The following PCDHGA7 variants were observed in gnomAD, a reference collection of about 807,000 sequenced individuals.
PCDHGA7 encodes protocadherin gamma subfamily A, 7, also known as protocadherin gamma-A7.
Under a neutral mutation model 58.3 loss-of-function variants are expected in PCDHGA7, and 44 were observed. The observed-to-expected ratio is 0.75, with a 90% CI of 0.59 to 0.97. The LOEUF is 0.97. Ranked by LOEUF, PCDHGA7 falls within the 50% of genes least tolerant of loss-of-function variation. The pLI, the probability that PCDHGA7 is intolerant of heterozygous loss-of-function variation, is 0.00. For missense variants in PCDHGA7, 1,266 were observed against 1,188.7 expected (o/e 1.06, Z -0.96); for synonymous variants, 516 against 504.2 (o/e 1.02, Z -0.31).
chr5:141,427,355 C>A (rs765449381), intron 1 of PCDHGA7: 9 of 457,430 alleles, frequency 2.0e-5, no homozygotes, highest in Non-Finnish European at 3.5e-5. Context: ...TAACTGAGGA[C>A]GCAGAACCCT....
intron 1 of PCDHGA7, chr5:141,428,236 G>T: frequency 5.8e-6 from 6 of 1,027,096 alleles, no homozygotes; most frequent in Non-Finnish European, 8.9e-6. Flanking sequence ...CAGCCTGCAG[G>T]AGGCACTGCC....
intron 1 of PCDHGA7, chr5:141,416,678 G>T (rs2096051953): frequency 6.6e-6 from 1 of 151,990 alleles, no homozygotes; most frequent in Non-Finnish European, 1.5e-5. Flanking sequence ...TGCAACGAAG[G>T]GAAATTATAT....
intron 1 of PCDHGA7, chr5:141,419,517 G>A: frequency 6.2e-7 from 1 of 1,612,224 alleles, no homozygotes; most frequent in South Asian, 1.1e-5. Context: ...GTGTTGGTGG[G>A]CGACCGTAAC....
At chr5:141,507,558 G>A (rs573728108) in intron 3 of PCDHGA7, among the ~76,000 whole-genome samples, 57 of 152,346 alleles carry the variant, frequency 3.7e-4, no homozygotes, top group African/African-American at 1.3e-3. Context: ...AGTGGCAGGC[G>A]GCTGGGTCTG....
intron 1 of PCDHGA7, chr5:141,403,638 A>T (rs373036061): frequency 1.9e-6 from 3 of 1,613,906 alleles, no homozygotes; most frequent in Non-Finnish European, 2.5e-6. Flanking sequence ...GTGCGCATCC[A>T]TGTGACAGTG....
intron 1 of PCDHGA7, among the ~76,000 whole-genome samples, chr5:141,456,882 G>A (rs1039329600): frequency 6.6e-6 from 1 of 152,156 alleles, no homozygotes; most frequent in Non-Finnish European, 1.5e-5. Context: ...AGAATCGCTT[G>A]AACCCGGGAG....
chr5:141,465,313 T>C (rs113508011), intron 1 of PCDHGA7, among the ~76,000 whole-genome samples: 5 of 152,312 alleles, frequency 3.3e-5, no homozygotes, highest in Admixed American at 6.5e-5. Context: ...AATTTAGCCA[T>C]GTCAATGCAG....
chr5:141,497,111 G>A (rs899232924), intron 2 of PCDHGA7, among the ~76,000 whole-genome samples: 16 of 152,010 alleles, frequency 1.1e-4, no homozygotes, highest in Non-Finnish European at 1.2e-4. Context: ...GCTTGAACCC[G>A]GAAGGCAGAG....
chr5:141,431,774 G>T lies in PCDHGA7; in HGVS notation c.2424+46451G>T. Reference sequence around the variant, plus strand: ...AGCCAAAGTCCTGATCACTGTTCTGGACGTGAACGACAATGCCCCAGAAGT... The same window carrying T: ...AGCCAAAGTCCTGATCACTGTTCTGTACGTGAACGACAATGCCCCAGAAGT... On this transcript the variant is annotated intron_variant, in intron 1 of 3. Transcript: ENST00000518325. This position sits in a 1 kb window ranked among gnomAD's most constrained non-coding sequence, Gnocchi z 4.8. 5 of 1,614,204 alleles carry T rather than the reference G, an allele frequency of 3.1e-6. No individual in the cohort carries two copies. The highest frequency in any genetic ancestry group is 4.2e-6 in the Non-Finnish European group (5 of 1,180,038).
At chr5:141,385,448 AC>A (rs1336219074) in intron 1 of PCDHGA7, 125 bp downstream of exon 1, 2 of 1,449,614 alleles carry the variant, frequency 1.4e-6, no homozygotes, top group Non-Finnish European at 9.1e-7. Flanking sequence ...AAATGAGTTT[AC>A]CAGTTTCCTT....
intron 2 of PCDHGA7, among the ~76,000 whole-genome samples, chr5:141,497,809 G>A (rs1256990692): frequency 1.3e-5 from 2 of 152,190 alleles, no homozygotes. Context: ...CAAAGTGCTA[G>A]AATTACAGGT....
chr5:141,385,004 G>T lies in PCDHGA7; in HGVS notation c.2105G>T (p.Cys702Phe). The T allele has an allele frequency of 6.2e-7, 1 of 1,614,140 alleles. No individual in the cohort carries two copies. Among genetic ancestry groups the T allele is most frequent in the Non-Finnish European group, 8.5e-7 (1 of 1,180,040 alleles). Residue 702 changes from cysteine to phenylalanine, a missense_variant, in exon 1 of 4, where the codon TGC (cysteine) becomes TTC (phenylalanine). Transcript: ENST00000518325. ...YLVVAVATVS[C>F]VFLAFVLVLL... The stretch of plus-strand genomic sequence containing the variant: ...GTGGTGGCGGTGGCCACAGTCTCCT[G>T]CGTCTTCCTAGCCTTCGTCCTCGTA...
At position 141,383,934 on chromosome 5, in the gene PCDHGA7, A is replaced by G. The variant is rs756515135; in HGVS notation, c.1035A>G (p.Pro345=). Residue 345 remains proline (P), a synonymous_variant, in exon 1 of 4, where the codon CCA becomes CCG. Coordinates refer to ENST00000518325, the MANE Select transcript of PCDHGA7 (RefSeq NM_018920.4). The part of the protein sequence containing the change: ...ITVLDVNDNA[P]EVTMTSLSSS... ...TTTTAGATGTAAATGATAATGCTCC[A>G]GAAGTGACTATGACGTCTTTAAGTA... 2.5e-6 allele frequency: 4 copies of G among 1,613,944 alleles called. No homozygotes were observed. Among genetic ancestry groups the G allele is most frequent in the Non-Finnish European group, 3.4e-6 (4 of 1,179,856 alleles).
At chr5:141,386,334 G>A (rs1220929803) in intron 1 of PCDHGA7, among the ~76,000 whole-genome samples, 1 of 152,008 alleles carries the variant, frequency 6.6e-6, no homozygotes, top group Non-Finnish European at 1.5e-5. Context: ...ATCCAGAAGG[G>A]GTGGATGACA....
At chr5:141,439,496 G>A (rs1166315364) in intron 1 of PCDHGA7, among the ~76,000 whole-genome samples, 2 of 152,152 alleles carry the variant, frequency 1.3e-5, no homozygotes, top group Non-Finnish European at 2.9e-5. Context: ...AGTGAGAAAC[G>A]TCTTTCTCTC....
chr5:141,439,960 T>G (rs1297261423), intron 1 of PCDHGA7: 1 of 152,668 alleles, frequency 6.6e-6, no homozygotes, highest in African/African-American at 2.4e-5. Flanking sequence ...AGATCCGTTA[T>G]TCAGTCCTAG....
intron 1 of PCDHGA7, chr5:141,399,784 G>A: frequency 6.2e-7 from 1 of 1,613,288 alleles, no homozygotes; most frequent in Non-Finnish European, 8.5e-7. Context: ...CGACCGAAAC[G>A]ACAACGCACC....
chr5:141,393,268 A>C, intron 1 of PCDHGA7: 1 of 1,613,946 alleles, frequency 6.2e-7, no homozygotes, highest in South Asian at 1.1e-5. Flanking sequence ...GGAGCACGTT[A>C]TCCACTCCCA....
chr5:141,484,864 A>G, intron 1 of PCDHGA7: 1 of 263,722 alleles, frequency 3.8e-6, no homozygotes, highest in Non-Finnish European at 7.2e-6. Context: ...GGGGTGGGGG[A>G]GCGTGGAGGA....
Sources: allele counts gnomAD v4.1 joint callset (sites outside exome capture counted in the v4.1 genomes callset), GRCh38; gene constraint gnomAD v4.1.1; non-coding constraint Gnocchi (gnomAD v3.1); transcripts MANE v1.5; gene names NCBI Gene and HGNC (gene_info 2026-07-23, HGNC 2026-07-21).